The following WDR62 variants were observed in gnomAD, a reference collection of about 807,000 sequenced individuals.
The protein encoded by WDR62 is WD repeat-containing protein 62.
Under a neutral mutation model 160.6 loss-of-function variants are expected in WDR62, and 112 were observed. The observed-to-expected ratio is 0.70, with a 90% CI of 0.60 to 0.82. The LOEUF is 0.82. Ranked by LOEUF, WDR62 falls within the 40% of genes least tolerant of loss-of-function variation. The pLI, the probability that WDR62 is intolerant of heterozygous loss-of-function variation, is 0.00. For missense variants in WDR62, 1,819 were observed against 1,983.8 expected (o/e 0.92, Z 1.58); for synonymous variants, 792 against 815.1 (o/e 0.97, Z 0.48).
At chr19:36,093,755 A>C (rs1972780996) in intron 19 of WDR62, among the ~76,000 whole-genome samples, 1 of 152,218 alleles carries the variant, frequency 6.6e-6, no homozygotes, top group Admixed American at 6.5e-5. Context: ...CCAGCACAGG[A>C]CTGCAGCCCC....
intron 7 of WDR62, among the ~76,000 whole-genome samples, chr19:36,069,354 G>C: frequency 6.6e-6 from 1 of 152,038 alleles, no homozygotes; most frequent in Non-Finnish European, 1.5e-5. Context: ...TCCCAGACAG[G>C]GTCGCGGCCG....
chr19:36,058,135 T>G lies in WDR62; in HGVS notation c.178-645T>G, dbSNP rs1372648218. On this transcript the variant is annotated intron_variant, in intron 1 of 31. Coordinates refer to ENST00000401500, the MANE Select transcript of WDR62 (RefSeq NM_001083961.2). Reference sequence around the variant, plus strand: ...GGGAGGCCGAGGCGGGTGTATCACCTGAGGTCAGGAGTTCGAGGCCAGCCT... The same window carrying G: ...GGGAGGCCGAGGCGGGTGTATCACCGGAGGTCAGGAGTTCGAGGCCAGCCT... 2.0e-5 allele frequency among the ~76,000 whole-genome samples: 3 copies of G among 152,204 alleles called. No homozygotes were observed. In the East Asian group the frequency reaches 5.8e-4, roughly 29 times the overall value.
chr19:36,092,841 G>A (rs1972714487), intron 19 of WDR62, 30 bp downstream of exon 19: 1 of 1,613,418 alleles, frequency 6.2e-7, no homozygotes, highest in East Asian at 2.2e-5. Context: ...GTCCACCAGA[G>A]GGATGAGTCC....
chr19:36,078,133 T>G (rs369242803), intron 9 of WDR62, among the ~76,000 whole-genome samples: 1 of 151,948 alleles, frequency 6.6e-6, no homozygotes. Flanking sequence ...GCTATGAACA[T>G]GTAAGTACAA....
At chr19:36,101,890 C>G (rs1973368143) in intron 25 of WDR62, 116 bp downstream of exon 25, 1 of 1,546,706 alleles carries the variant, frequency 6.5e-7, no homozygotes, top group South Asian at 1.1e-5. Context: ...AGACGGGGAT[C>G]CCTGCTTCTC....
chr19:36,108,386 C>G (rs1973749374), downstream of WDR62, among the ~76,000 whole-genome samples: 1 of 151,860 alleles, frequency 6.6e-6, no homozygotes, highest in Non-Finnish European at 1.5e-5. Flanking sequence ...CCACATCTAC[C>G]CTTGGCCTCC....
chr19:36,058,736 G>A, intron 1 of WDR62, 44 bp from the exon 2 acceptor site: 1 of 1,548,092 alleles, frequency 6.5e-7, no homozygotes, highest in Non-Finnish European at 8.9e-7. Context: ...ACCATGTGGT[G>A]CTGGCTAGGG....
chr19:36,069,891 G>A (rs913881636), intron 7 of WDR62, among the ~76,000 whole-genome samples: 20 of 152,078 alleles, frequency 1.3e-4, no homozygotes, highest in Non-Finnish European at 2.4e-4. Context: ...GCAGGCACTC[G>A]GCAGGCTGAG....
rs148466867 is a variant in WDR62 at position 36,099,652 on chromosome 19, C to T, written c.2739+35C>T. 1,011 of 1,607,816 alleles carry T rather than the reference C, an allele frequency of 6.3e-4. 11 individuals are homozygous for T. In the East Asian group the frequency reaches 0.016, roughly 25 times the overall value. On this transcript the variant is annotated intron_variant, in intron 22 of 31. Coordinates refer to ENST00000401500, the MANE Select transcript of WDR62 (RefSeq NM_001083961.2). ...TCCACCGCAGCCTGGCCCATAGCCC[C>T]GGCACCGTGACGGCCCCAGGGCCTG...
intron 1 of WDR62, among the ~76,000 whole-genome samples, chr19:36,055,597 C>G (rs1303271314): frequency 1.3e-5 from 2 of 151,906 alleles, no homozygotes; most frequent in Non-Finnish European, 1.5e-5. Flanking sequence ...CTCTCACCTT[C>G]TGCGATCTCT....
intron 21 of WDR62, among the ~76,000 whole-genome samples, chr19:36,098,988 G>A (rs1343737474): frequency 2.0e-5 from 3 of 152,080 alleles, no homozygotes; most frequent in Admixed American, 6.5e-5. Flanking sequence ...TTGGGAAGCC[G>A]AGGCGGGCGG....
rs968701726 is a variant in WDR62, at chr19:36,086,795, C to T, written c.1751C>T (p.Thr584Ile). 2 of 1,610,046 alleles carry T rather than the reference C, an allele frequency of 1.2e-6. No homozygotes were observed. The highest frequency in any genetic ancestry group is 1.7e-6 in the Non-Finnish European group (2 of 1,177,872). ...CTGGATGACCACTCCTCCTCCATCACCGCCATCAAGTTCGCTGGTGAGCCC... is the reference window on the plus strand; with the variant it reads ...CTGGATGACCACTCCTCCTCCATCATCGCCATCAAGTTCGCTGGTGAGCCC... ...QTLDDHSSSI[T>I]AIKFAGNRDI... Residue 584 changes from threonine to isoleucine, a missense_variant, in exon 13 of 32, where the codon ACC (threonine) becomes ATC (isoleucine). This residue lies in a region of WDR62 where 934 missense variants were observed against 1,157.2 expected (regional missense o/e 0.81). Coordinates refer to ENST00000401500, the MANE Select transcript of WDR62 (RefSeq NM_001083961.2).
At chr19:36,109,235 T>C (rs955387006), downstream of WDR62, among the ~76,000 whole-genome samples, 3 of 152,286 alleles carry the variant, frequency 2.0e-5, no homozygotes, top group East Asian at 5.8e-4. Context: ...CTGAAACCTT[T>C]CAGCGCTTAT....
intron 11 of WDR62, 141 bp downstream of exon 11, chr19:36,083,382 C>T (rs1016992): frequency 2.2e-6 from 2 of 898,086 alleles, no homozygotes; most frequent in African/African-American, 1.6e-5. Context: ...CCATGAACAG[C>T]TCCCATTGGG....
At chr19:36,078,226 C>G (rs1258025575) in intron 9 of WDR62, among the ~76,000 whole-genome samples, 1 of 151,502 alleles carries the variant, frequency 6.6e-6, no homozygotes, top group East Asian at 2.0e-4. Flanking sequence ...CCGCTCACTG[C>G]AACCTCAGGC....
chr19:36,060,342 G>A, intron 3 of WDR62: 1 of 413,506 alleles, frequency 2.4e-6, no homozygotes, highest in Non-Finnish European at 4.5e-6. Context: ...GCAGAGAATA[G>A]GAGGAAAGCC....
rs1438176708 is a variant in WDR62 at position 36,105,007 on chromosome 19, G to A, written c.4551G>A (p.Arg1517=). 1 of 1,601,108 alleles carries A rather than the reference G, an allele frequency of 6.2e-7. No individual in the cohort carries two copies. The highest frequency in any genetic ancestry group is 8.5e-7 in the Non-Finnish European group (1 of 1,177,804). The change falls in exon 32 of 32, where the codon CGG becomes CGA. Residue 1517 remains arginine (R), a synonymous_variant. Coordinates refer to ENST00000401500, the MANE Select transcript of WDR62 (RefSeq NM_001083961.2). ...CGGAGCTGCTGGTGCAGGCCGTGCG[G>A]AGGAAGGCACGGGGGCACTGAGGGC... is the stretch of plus-strand genomic sequence containing the variant. ...HYSELLVQAV[R]RKARGH
Position 36,097,076 on chromosome 19 carries a change from G to A in WDR62, c.2517G>A (p.Arg839=). ...GCAAGCTGCCACTGTGGGCAAAGCG[G>A]CTGGTAAGTCTTCAGGGAGAGGGTT... The part of the protein sequence containing the change: ...TNGKLPLWAK[R]LLGDDDVADG... Residue 839 remains arginine, a synonymous_variant, in exon 21 of 32, where the codon CGG becomes CGA. Transcript: ENST00000401500. The A allele has an allele frequency of 1.2e-6, 2 of 1,613,890 alleles. No homozygotes were observed. Among genetic ancestry groups the A allele is most frequent in the Non-Finnish European group, 1.7e-6 (2 of 1,179,904 alleles).
chr19:36,091,668 G>A (rs551472157), intron 18 of WDR62, among the ~76,000 whole-genome samples: 10 of 152,216 alleles, frequency 6.6e-5, no homozygotes, highest in South Asian at 4.1e-4. Context: ...ACGCTGAGGC[G>A]GGTGGATCAC....
Sources: gnomAD v4.1 joint callset for allele counts (sites outside exome capture counted in the v4.1 genomes callset) on GRCh38, gnomAD v4.1.1 for gene constraint, gnomAD v4.1.1 regional missense constraint, MANE v1.5 for transcripts, NCBI Gene and HGNC (gene_info 2026-07-23, HGNC 2026-07-21) for gene names.